PANK4: variants seen among roughly 807,000 people sequenced by gnomAD.
PANK4 encodes the protein 4'-phosphopantetheine phosphatase.
PANK4 carries 40 observed loss-of-function variants against 87.9 expected under a neutral mutation model. That is an observed-to-expected ratio of 0.46 (90% confidence interval 0.35 to 0.59). The LOEUF (loss-of-function observed/expected upper bound fraction) is 0.59. Among genes scored for constraint, PANK4 ranks in the 20% least tolerant of loss-of-function variants. The pLI, the probability that PANK4 is intolerant of heterozygous loss-of-function variation, is 0.00. For missense variants in PANK4, 926 were observed against 1,072.3 expected (o/e 0.86, Z 1.90); for synonymous variants, 524 against 467.4 (o/e 1.12, Z -1.56).
In PANK4 at chr1:2,521,932, CT is replaced by C. The variant is rs1557448321; in HGVS notation, c.125-133del. ...GATGAGGGGTTTGGGGCTACTGGAA[CT>C]TAAAAACCCTGTGGGCACAAAAGAG... On this transcript the variant is annotated intron_variant, in intron 1 of 18. Coordinates refer to ENST00000378466, the MANE Select transcript of PANK4 (RefSeq NM_018216.4). 4 of 695,164 alleles carry C rather than the reference CT, an allele frequency of 5.8e-6. No homozygotes were observed. The Admixed American group carries it at 7.0e-5, about 12-fold the overall frequency. The allele number at this position is 695,164 out of a possible 1,614,324, so 43.1% of individuals were successfully genotyped here.
At position 2,509,852 on chromosome 1, in the gene PANK4, G is replaced by A; in HGVS notation, c.2108+10C>T. The A allele has an allele frequency of 6.2e-7, 1 of 1,609,422 alleles. No individual in the cohort carries two copies. The highest frequency in any genetic ancestry group is 8.5e-7 in the Non-Finnish European group (1 of 1,178,192). ...AGGAGGGAGAGAACAGGTGCAGGGT[G>A]CGGGGTTACCTGAGGTCGAGGCACG... On this transcript the variant is annotated intron_variant, in intron 18 of 18. Transcript: ENST00000378466. This position sits in a 1 kb window ranked among gnomAD's most constrained non-coding sequence, Gnocchi z 4.9.
chr1:2,526,359 C>T, intron 1 of PANK4, 105 bp downstream of exon 1: 1 of 636,934 alleles, frequency 1.6e-6, no homozygotes, highest in Non-Finnish European at 2.0e-6. Context: ...GTGCGCGAGG[C>T]CCGCGCCCCC....
rs368138910 is a variant in PANK4 at position 2,511,689 on chromosome 1, T to C, written c.1728-6A>G. 16 of 1,588,970 alleles carry C rather than the reference T, an allele frequency of 1.0e-5. No homozygotes were observed. The highest frequency in any genetic ancestry group is 8.3e-5 in the Admixed American group (5 of 59,934). On this transcript the variant is annotated splice_region_variant and splice_polypyrimidine_tract_variant and intron_variant, in intron 13 of 18. Coordinates refer to ENST00000378466, the MANE Select transcript of PANK4 (RefSeq NM_018216.4). ...AGGGGTCGGATTCAAGGACACTGCATGGAGGAGGAGAAAAGAAAATTAAGA... is the reference window on the plus strand; with the variant it reads ...AGGGGTCGGATTCAAGGACACTGCACGGAGGAGGAGAAAAGAAAATTAAGA...
chr1:2,509,792 GGGTGCA>G lies in PANK4; in HGVS notation c.2108+64_2108+69del. 2 of 1,389,978 alleles carry G rather than the reference GGGTGCA, an allele frequency of 1.4e-6. No individual in the cohort carries two copies. The highest frequency in any genetic ancestry group is 2.4e-5 in the South Asian group (2 of 84,564). The allele number at this position is 1,389,978 out of a possible 1,614,324, so 86.1% of individuals were successfully genotyped here. On this transcript the variant is annotated intron_variant, in intron 18 of 18. Coordinates refer to ENST00000378466, the MANE Select transcript of PANK4 (RefSeq NM_018216.4). The surrounding 1 kb of genome is among the most constrained non-coding windows in gnomAD (Gnocchi z 4.9). ...TGAGGTCGGTGTCCCGCATGCACCT[GGGTGCA>G]GGTGCACGGCACAGAGGGCACAGAG...
At position 2,509,668 on chromosome 1, in the gene PANK4, A is replaced by G. The variant is rs1033811311; in HGVS notation, c.2108+194T>C. On this transcript the variant is annotated intron_variant, in intron 18 of 18. Coordinates refer to ENST00000378466, the MANE Select transcript of PANK4 (RefSeq NM_018216.4). This position sits in a 1 kb window ranked among gnomAD's most constrained non-coding sequence, Gnocchi z 4.9. ...CATGTGTAACCACCTCAGACCCTGA[A>G]TCCATTCACCCTCCCCAGGCCACCT... 11 of 620,536 alleles carry G rather than the reference A, an allele frequency of 1.8e-5. No individual in the cohort carries two copies. Among genetic ancestry groups the G allele is most frequent in the Non-Finnish European group, 2.9e-5 (10 of 341,270 alleles). 38.4% of individuals were successfully genotyped at this position (620,536 alleles called of 1,614,324 possible). A position where few individuals can be genotyped will look rare whatever the true frequency, so the allele number is the denominator to read the frequency against.
intron 9 of PANK4, among the ~76,000 whole-genome samples, chr1:2,517,168 G>C (rs1643795890): frequency 6.6e-6 from 1 of 152,216 alleles, no homozygotes; most frequent in African/African-American, 2.4e-5. Flanking sequence ...CTGGGGCTCT[G>C]CCAGGCCCCC....
rs1643760581 is a variant in PANK4 at position 2,515,793 on chromosome 1, C to T, written c.1219-76G>A. 7.2e-7 allele frequency: 1 copy of T among 1,380,468 alleles called. No individual in the cohort carries two copies. Among genetic ancestry groups the T allele is most frequent in the Non-Finnish European group, 1.0e-6 (1 of 992,596 alleles). 85.5% of individuals were successfully genotyped at this position (1,380,468 alleles called of 1,614,324 possible). Reference sequence around the variant, plus strand: ...CCCAAGCCACACTCAGAAGCTTCCACTCTCTCTCTAAGAAGGGAGATGTAC... The same window carrying T: ...CCCAAGCCACACTCAGAAGCTTCCATTCTCTCTCTAAGAAGGGAGATGTAC... On this transcript the variant is annotated intron_variant, in intron 9 of 18. Coordinates refer to ENST00000378466, the MANE Select transcript of PANK4 (RefSeq NM_018216.4). This position sits in a 1 kb window ranked among gnomAD's most constrained non-coding sequence, Gnocchi z 5.0.
intron 3 of PANK4, 81 bp downstream of exon 3, chr1:2,521,020 C>A: frequency 1.3e-6 from 2 of 1,525,234 alleles, no homozygotes; most frequent in Non-Finnish European, 1.8e-6. Context: ...GACACACGAG[C>A]GCCAGGGACG....
chr1:2,511,295 C>T (rs571253614), intron 15 of PANK4, 43 bp downstream of exon 15: 80 of 1,470,438 alleles, frequency 5.4e-5, no homozygotes, highest in South Asian at 2.5e-4. Flanking sequence ...CCCCGGGCCC[C>T]GCTGTGTCCC....
chr1:2,517,355 T>TG (rs1557442702), intron 9 of PANK4, among the ~76,000 whole-genome samples: 1 of 152,256 alleles, frequency 6.6e-6, no homozygotes, highest in East Asian at 1.9e-4. Context: ...TTGAAAATAC[T>TG]GACACTGAAC....
Position 2,510,588 on chromosome 1 carries a change from C to A in PANK4, c.1938+90G>T. 1.3e-6 allele frequency: 1 copy of A among 790,738 alleles called. No homozygotes were observed. 49.0% of individuals were successfully genotyped at this position (790,738 alleles called of 1,614,324 possible). A position where few individuals can be genotyped will look rare whatever the true frequency, so the allele number is the denominator to read the frequency against. On this transcript the variant is annotated intron_variant, in intron 16 of 18. Transcript: ENST00000378466. This position sits in a 1 kb window ranked among gnomAD's most constrained non-coding sequence, Gnocchi z 4.9. ...CTACCTGCTGCGTCCGGAGGAGCCC[C>A]GACCACCGCCAGAGGCCCACAGCGG... is the stretch of plus-strand genomic sequence containing the variant.
In PANK4 at chr1:2,515,757, G is replaced by A; in HGVS notation, c.1219-40C>T. 1 of 1,589,486 alleles carries A rather than the reference G, an allele frequency of 6.3e-7. No homozygotes were observed. The highest frequency in any genetic ancestry group is 8.6e-7 in the Non-Finnish European group (1 of 1,165,270). On this transcript the variant is annotated intron_variant, in intron 9 of 18. Coordinates refer to ENST00000378466, the MANE Select transcript of PANK4 (RefSeq NM_018216.4). This position sits in a 1 kb window ranked among gnomAD's most constrained non-coding sequence, Gnocchi z 5.0. ...GTGGCAGGGTGGAAACGTCACCATG[G>A]TTCAGAACGACCCAAGCCACACTCA...
In PANK4 at chr1:2,509,789, C is replaced by T. The variant is rs1261724747; in HGVS notation, c.2108+73G>A. The stretch of plus-strand genomic sequence containing the variant: ...TCCTGAGGTCGGTGTCCCGCATGCA[C>T]CTGGGTGCAGGTGCACGGCACAGAG... On this transcript the variant is annotated intron_variant, in intron 18 of 18. Transcript: ENST00000378466. This position sits in a 1 kb window ranked among gnomAD's most constrained non-coding sequence, Gnocchi z 4.9. The T allele has an allele frequency of 1.4e-6, 2 of 1,382,602 alleles. No homozygotes were observed. Among genetic ancestry groups the T allele is most frequent in the African/African-American group, 2.8e-5 (2 of 70,354 alleles). 85.6% of individuals were successfully genotyped at this position (1,382,602 alleles called of 1,614,324 possible). A position where few individuals can be genotyped will look rare whatever the true frequency, so the allele number is the denominator to read the frequency against.
chr1:2,522,819 T>TAC (rs1557449276), intron 1 of PANK4, among the ~76,000 whole-genome samples: 1 of 212 alleles, frequency 4.7e-3, no homozygotes. Flanking sequence ...GGGCACTGGA[T>TAC]GGTGCTATAG....
At chr1:2,523,695 G>A (rs376795115) in intron 1 of PANK4, among the ~76,000 whole-genome samples, 2 of 152,192 alleles carry the variant, frequency 1.3e-5, no homozygotes, top group Admixed American at 6.5e-5. Context: ...CCCCACACCC[G>A]GGGGGACAAA....
Position 2,509,180 on chromosome 1 carries a change from C to T in PANK4, c.2109-120G>A. On this transcript the variant is annotated intron_variant, in intron 18 of 18. Coordinates refer to ENST00000378466, the MANE Select transcript of PANK4 (RefSeq NM_018216.4). This position sits in a 1 kb window ranked among gnomAD's most constrained non-coding sequence, Gnocchi z 4.9. ...ACCGCTCAATTCCCTGATGTGGAGG[C>T]CTCCAAACCCAGCCTCCGCCTGGTA... 1.3e-6 allele frequency: 1 copy of T among 758,560 alleles called. No individual in the cohort carries two copies. The highest frequency in any genetic ancestry group is 2.1e-6 in the Non-Finnish European group (1 of 474,660). The allele number at this position is 758,560 out of a possible 1,614,324, so 47.0% of individuals were successfully genotyped here.
chr1:2,510,666 C>G lies in PANK4; in HGVS notation c.1938+12G>C. On this transcript the variant is annotated intron_variant, in intron 16 of 18. Coordinates refer to ENST00000378466, the MANE Select transcript of PANK4 (RefSeq NM_018216.4). The surrounding 1 kb of genome is among the most constrained non-coding windows in gnomAD (Gnocchi z 4.9). ...CCAGGGGAAGGGCCCCACCCACCAC[C>G]TCAACACTCACCTCTGTCCCTCTAA... is the stretch of plus-strand genomic sequence containing the variant. 6.6e-7 allele frequency: 1 copy of G among 1,513,136 alleles called. No individual in the cohort carries two copies. The highest frequency in any genetic ancestry group is 9.2e-7 in the Non-Finnish European group (1 of 1,089,074). The allele number at this position is 1,513,136 out of a possible 1,614,324, so 93.7% of individuals were successfully genotyped here.
At chr1:2,523,112 G>A (rs182594934) in intron 1 of PANK4, among the ~76,000 whole-genome samples, 7 of 152,208 alleles carry the variant, frequency 4.6e-5, no homozygotes, top group Non-Finnish European at 1.0e-4. Flanking sequence ...AATACTATAA[G>A]GATGTCTGAG....
chr1:2,522,130 T>C (rs1643880329), intron 1 of PANK4, among the ~76,000 whole-genome samples: 1 of 152,224 alleles, frequency 6.6e-6, no homozygotes, highest in African/African-American at 2.4e-5. Flanking sequence ...CTCACTGCTT[T>C]AAGAAAATTC....
Sources: gnomAD v4.1 joint callset for allele counts (sites outside exome capture counted in the v4.1 genomes callset) on GRCh38, gnomAD v4.1.1 for gene constraint, Gnocchi (gnomAD v3.1) non-coding constraint, MANE v1.5 for transcripts, NCBI Gene and HGNC (gene_info 2026-07-23, HGNC 2026-07-21) for gene names.